PRKCZ: variants seen among roughly 807,000 people sequenced by gnomAD.
The protein encoded by PRKCZ is protein kinase C zeta type.
Under a neutral mutation model 79.5 loss-of-function variants are expected in PRKCZ, and 33 were observed. The ratio of observed to expected loss-of-function variants is 0.41; its 90% confidence interval spans 0.31 to 0.55. The LOEUF is 0.55. PRKCZ is among the 20% of genes least tolerant of loss of function. The pLI, the probability that PRKCZ is intolerant of heterozygous loss-of-function variation, is 0.19. For missense variants in PRKCZ, 578 were observed against 813.5 expected (o/e 0.71, Z 3.52); for synonymous variants, 342 against 320.9 (o/e 1.07, Z -0.70).
At chr1:2,093,215 C>T (rs559858181) in intron 4 of PRKCZ, among the ~76,000 whole-genome samples, 14 of 152,316 alleles carry the variant, frequency 9.2e-5, no homozygotes, top group East Asian at 5.8e-4. Context: ...AAAGCACCTC[C>T]TCCTGGTGGA....
intron 4 of PRKCZ, among the ~76,000 whole-genome samples, chr1:2,101,780 C>G (rs1667478457): frequency 6.6e-6 from 1 of 152,142 alleles, no homozygotes; most frequent in South Asian, 2.1e-4. Context: ...ACACAGTGCT[C>G]CACAGCAAAG....
At chr1:2,112,935 G>A (rs973888346) in intron 4 of PRKCZ, among the ~76,000 whole-genome samples, 5 of 152,178 alleles carry the variant, frequency 3.3e-5, no homozygotes, top group African/African-American at 7.2e-5. Context: ...CAGGCGATCC[G>A]CCTGCCTTGG....
intron 11 of PRKCZ, among the ~76,000 whole-genome samples, chr1:2,170,711 G>A (rs538388433): frequency 1.3e-5 from 2 of 152,264 alleles, no homozygotes; most frequent in Admixed American, 6.5e-5. Flanking sequence ...CCTCTGATTC[G>A]AGGACTCTAG....
At chr1:2,072,815 G>C (rs1026720922) in intron 4 of PRKCZ, among the ~76,000 whole-genome samples, 1 of 152,140 alleles carries the variant, frequency 6.6e-6, no homozygotes, top group South Asian at 2.1e-4. Flanking sequence ...GGTGTGACTG[G>C]TCAGAGCCAG....
chr1:2,073,939 G>C (rs1369346638), intron 4 of PRKCZ: 1 of 1,352,610 alleles, frequency 7.4e-7, no homozygotes, highest in Non-Finnish European at 9.5e-7. Context: ...GGTGAGTCGG[G>C]GGCATCTCCC....
At chr1:2,103,447 G>C (rs986285781) in intron 4 of PRKCZ, among the ~76,000 whole-genome samples, 43 of 152,250 alleles carry the variant, frequency 2.8e-4, no homozygotes, top group African/African-American at 1.0e-3. Flanking sequence ...AGTGGCGCGT[G>C]TGCCTCGGGA....
chr1:2,135,134 TG>T (rs1382942722), intron 4 of PRKCZ, 127 bp from the exon 5 acceptor site: 2 of 724,558 alleles, frequency 2.8e-6, no homozygotes, highest in African/African-American at 3.6e-5. Flanking sequence ...ATTCCAGCCC[TG>T]CCTTCCCTGC....
chr1:2,171,138 G>A (rs926534654), intron 11 of PRKCZ, among the ~76,000 whole-genome samples: 1 of 151,876 alleles, frequency 6.6e-6, no homozygotes, highest in Non-Finnish European at 1.5e-5. Flanking sequence ...AGACCATCCT[G>A]GCTAACACGG....
At chr1:2,059,698 G>T (rs2292859) in intron 4 of PRKCZ, 107 bp downstream of exon 4, 1 of 1,443,140 alleles carries the variant, frequency 6.9e-7, no homozygotes, top group Non-Finnish European at 9.6e-7. Flanking sequence ...GTTCACCCTC[G>T]TGGAGCGTCA....
chr1:2,056,322 A>G (rs1660155908), intron 2 of PRKCZ, among the ~76,000 whole-genome samples, 162 bp from the exon 3 acceptor site: 1 of 152,108 alleles, frequency 6.6e-6, no homozygotes, highest in Admixed American at 6.5e-5. Context: ...CCTAGTGTGG[A>G]CGGCCGTCCT....
Position 2,177,217 on chromosome 1 carries a change from C to A in PRKCZ, c.1575+1904C>A, listed in dbSNP as rs997120720. 6.6e-6 allele frequency among the ~76,000 whole-genome samples: 1 copy of A among 152,132 alleles called. No individual in the cohort carries two copies. Among genetic ancestry groups the A allele is most frequent in the East Asian group, 1.9e-4 (1 of 5,186 alleles). The stretch of plus-strand genomic sequence containing the variant: ...TCCCCTTGTCTCTGGCCCACAGAAC[C>A]CCTCCGGTCCACACACACACTCAGG... On this transcript the variant is annotated intron_variant, in intron 16 of 17. Coordinates refer to ENST00000378567, the MANE Select transcript of PRKCZ (RefSeq NM_002744.6). This position sits in a 1 kb window ranked among gnomAD's most constrained non-coding sequence, Gnocchi z 6.4.
At chr1:2,175,875 A>T (rs926068290) in intron 16 of PRKCZ, among the ~76,000 whole-genome samples, 3 of 152,138 alleles carry the variant, frequency 2.0e-5, no homozygotes, top group Admixed American at 2.0e-4. Context: ...CTAGCGGCAC[A>T]TGCGTCCTGA....
intron 1 of PRKCZ, among the ~76,000 whole-genome samples, chr1:2,052,277 C>G (rs1006931894): frequency 6.6e-6 from 1 of 152,146 alleles, no homozygotes; most frequent in Admixed American, 6.5e-5. Flanking sequence ...CCCGTCCTCC[C>G]TCTGCCTTGC....
intron 11 of PRKCZ, chr1:2,171,754 G>A (rs903567823): frequency 4.1e-5 from 15 of 367,168 alleles, no homozygotes; most frequent in Non-Finnish European, 7.0e-5. Flanking sequence ...CCATGGCTCC[G>A]GTCTTTCCCG....
At chr1:2,098,258 A>G (rs1666871035) in intron 4 of PRKCZ, 2 of 152,276 alleles carry the variant, frequency 1.3e-5, no homozygotes, top group Admixed American at 6.5e-5. Context: ...ATACGGATAC[A>G]TTGCTTCTTT....
intron 4 of PRKCZ, among the ~76,000 whole-genome samples, chr1:2,095,516 A>G (rs1666300355): frequency 1.3e-5 from 2 of 152,048 alleles, no homozygotes; most frequent in South Asian, 4.1e-4. Context: ...CCTCCCGTGG[A>G]TGCCTTTTCA....
At chr1:2,099,909 C>G (rs1018429486) in intron 4 of PRKCZ, among the ~76,000 whole-genome samples, 23 of 152,200 alleles carry the variant, frequency 1.5e-4, no homozygotes, top group African/African-American at 5.6e-4. Flanking sequence ...AAACTGATGC[C>G]TCTGTGGGAA....
At chr1:2,091,813 G>C (rs1221974271) in intron 4 of PRKCZ, among the ~76,000 whole-genome samples, 1 of 152,200 alleles carries the variant, frequency 6.6e-6, no homozygotes, top group Non-Finnish European at 1.5e-5. Flanking sequence ...AGCAGCAGGG[G>C]GCGTCCGAGG....
At chr1:2,056,834 T>G (rs1660214477) in intron 3 of PRKCZ, among the ~76,000 whole-genome samples, 1 of 151,410 alleles carries the variant, frequency 6.6e-6, no homozygotes, top group African/African-American at 2.4e-5. Flanking sequence ...GTTCATGCCA[T>G]TCTCCTGCCT....
Sources: gnomAD v4.1 joint callset for allele counts (sites outside exome capture counted in the v4.1 genomes callset) on GRCh38, gnomAD v4.1.1 for gene constraint, Gnocchi (gnomAD v3.1) non-coding constraint, MANE v1.5 for transcripts, NCBI Gene and HGNC (gene_info 2026-07-23, HGNC 2026-07-21) for gene names.